WWOX: variants seen among roughly 807,000 people sequenced by gnomAD.
WWOX encodes WW domain-containing oxidoreductase.
Under a neutral mutation model 46.2 loss-of-function variants are expected in WWOX, and 69 were observed. That is an observed-to-expected ratio of 1.49 (90% confidence interval 1.23 to 1.82). The LOEUF is 1.82. Ranked by LOEUF, WWOX falls within the 40% of genes most tolerant of loss-of-function variation. The pLI is 0.00. For missense variants in WWOX, 919 were observed against 542.6 expected (o/e 1.69, Z -6.89); for synonymous variants, 359 against 202.6 (o/e 1.77, Z -6.56).
intron 8 of WWOX, among the ~76,000 whole-genome samples, chr16:78,998,297 T>G (rs2047028978): frequency 6.6e-6 from 1 of 152,208 alleles, no homozygotes; most frequent in Non-Finnish European, 1.5e-5. Context: ...TCTAAGGTGT[T>G]GGCTGCTCTT....
At chr16:79,000,105 G>C (rs544997534) in intron 8 of WWOX, among the ~76,000 whole-genome samples, 7 of 152,138 alleles carry the variant, frequency 4.6e-5, no homozygotes, top group Non-Finnish European at 1.0e-4. Context: ...GTCTGAGCAG[G>C]CTTCCCACCA....
chr16:78,970,944 G>C (rs1325861226), intron 8 of WWOX, among the ~76,000 whole-genome samples: 1 of 152,038 alleles, frequency 6.6e-6, no homozygotes, highest in Non-Finnish European at 1.5e-5. Flanking sequence ...GCTTACTTCT[G>C]CAGCAGATTT....
chr16:78,872,614 T>A (rs577730958), intron 8 of WWOX: 107 of 152,278 alleles, frequency 7.0e-4, no homozygotes, highest in African/African-American at 2.5e-3. Flanking sequence ...ATTCAGTAAA[T>A]GCTCACTGTC....
intron 8 of WWOX, among the ~76,000 whole-genome samples, chr16:78,458,587 C>G (rs565022248): frequency 7.9e-5 from 12 of 152,056 alleles, no homozygotes; most frequent in Admixed American, 2.0e-4. Context: ...TTTTCTTAAA[C>G]ATTTATTTAT....
intron 8 of WWOX, among the ~76,000 whole-genome samples, chr16:78,595,436 G>C (rs1311719698): frequency 1.3e-5 from 2 of 152,238 alleles, no homozygotes; most frequent in African/African-American, 4.8e-5. Context: ...ATATTCGTTG[G>C]GATCATACAT....
chr16:78,884,293 A>AG (rs2044406511), intron 8 of WWOX, among the ~76,000 whole-genome samples: 2 of 99,888 alleles, frequency 2.0e-5, no homozygotes, highest in African/African-American at 9.4e-5. Flanking sequence ...AAAAAAAAAA[A>AG]CAAAAGACCA....
At chr16:78,502,640 T>C (rs745944778) in intron 8 of WWOX, among the ~76,000 whole-genome samples, 1 of 152,228 alleles carries the variant, frequency 6.6e-6, no homozygotes, top group African/African-American at 2.4e-5. Flanking sequence ...ATCTGTGTTG[T>C]CCACAAGTTT....
chr16:79,068,862 TAAAG>T (rs1479431056), intron 8 of WWOX, among the ~76,000 whole-genome samples: 8 of 140,420 alleles, frequency 5.7e-5, no homozygotes, highest in African/African-American at 1.9e-4. Flanking sequence ...ATAATAATAA[TAAAG>T]AAAGCGAGAG....
chr16:78,874,228 C>T (rs112289816), intron 8 of WWOX, among the ~76,000 whole-genome samples: 2 of 145,040 alleles, frequency 1.4e-5, no homozygotes, highest in African/African-American at 5.2e-5. Flanking sequence ...TGCACTCTAG[C>T]ATGGGCGACA....
chr16:78,967,006 A>G (rs2046374035), intron 8 of WWOX, among the ~76,000 whole-genome samples: 1 of 152,210 alleles, frequency 6.6e-6, no homozygotes, highest in African/African-American at 2.4e-5. Context: ...CCACTGGAAG[A>G]AGAGCCTGTA....
intron 5 of WWOX, among the ~76,000 whole-genome samples, chr16:78,326,825 G>A (rs544621654): frequency 6.6e-6 from 1 of 151,966 alleles, no homozygotes; most frequent in African/African-American, 2.4e-5. Flanking sequence ...CTTATTTTAG[G>A]AAATGTGTTT....
At chr16:78,707,898 C>T (rs1459354303) in intron 8 of WWOX, among the ~76,000 whole-genome samples, 1 of 151,944 alleles carries the variant, frequency 6.6e-6, no homozygotes, top group South Asian at 2.1e-4. Context: ...AAGTATCTGT[C>T]CCCAAGTCAC....
At chr16:78,908,547 A>AAG (rs1225370344) in intron 8 of WWOX, among the ~76,000 whole-genome samples, 1 of 151,170 alleles carries the variant, frequency 6.6e-6, no homozygotes, top group Non-Finnish European at 1.5e-5. Context: ...CTCGGAAAAA[A>AAG]AAAAAAGAGT....
chr16:78,340,017 TG>T (rs753232185), intron 5 of WWOX, among the ~76,000 whole-genome samples: 608 of 6,794 alleles, frequency 0.089, 148 homozygotes, highest in African/African-American at 0.11. Flanking sequence ...ATGGATTTGG[TG>T]GGGGGGGGGG....
At chr16:78,928,629 A>G (rs1479253947) in intron 8 of WWOX, among the ~76,000 whole-genome samples, 1 of 151,986 alleles carries the variant, frequency 6.6e-6, no homozygotes, top group Non-Finnish European at 1.5e-5. Flanking sequence ...ATGAAATGAA[A>G]GAAATTCTGA....
chr16:78,150,256 A>G (rs77157180), intron 4 of WWOX, among the ~76,000 whole-genome samples: 23,170 of 152,256 alleles, frequency 0.15, 2,062 homozygotes, highest in East Asian at 0.22. Context: ...GAAGCGGTAC[A>G]TAGGGCCAGG....
intron 8 of WWOX, among the ~76,000 whole-genome samples, chr16:79,072,678 C>T (rs1272470008): frequency 6.6e-6 from 1 of 152,194 alleles, no homozygotes; most frequent in Non-Finnish European, 1.5e-5. Flanking sequence ...TCTTCATCAT[C>T]ACCATCACCA....
At chr16:78,450,756 T>C (rs1034451555) in intron 8 of WWOX, among the ~76,000 whole-genome samples, 2 of 152,176 alleles carry the variant, frequency 1.3e-5, no homozygotes, top group African/African-American at 2.4e-5. Flanking sequence ...TCTATAAATA[T>C]AAAAGAGCAA....
intron 8 of WWOX, among the ~76,000 whole-genome samples, chr16:78,507,838 G>C (rs1040553156): frequency 6.6e-6 from 1 of 152,168 alleles, no homozygotes; most frequent in African/African-American, 2.4e-5. Flanking sequence ...CACCTGTTCA[G>C]ACAAGCTTGT....
Sources: allele counts gnomAD v4.1 joint callset (sites outside exome capture counted in the v4.1 genomes callset), GRCh38; gene constraint gnomAD v4.1.1; transcripts MANE v1.5; gene names NCBI Gene and HGNC (gene_info 2026-07-23, HGNC 2026-07-21).